Variants in RAB36 observed in about 807,000 individuals in gnomAD.
The protein encoded by RAB36 is ras-related protein Rab-36.
Under a neutral mutation model 39.3 loss-of-function variants are expected in RAB36, and 33 were observed. That is an observed-to-expected ratio of 0.84 (90% CI 0.64 to 1.12). The LOEUF (loss-of-function observed/expected upper bound fraction) is 1.12, where lower values mean the gene tolerates loss of function less well. Ranked by LOEUF, RAB36 falls within the 50% of genes most tolerant of loss-of-function variation. The probability of loss-of-function intolerance (pLI) is 0.00; values close to 1 mark genes in which losing one functional copy is unlikely to be tolerated. For missense variants in RAB36, 308 were observed against 355.3 expected (o/e 0.87, Z 1.07); for synonymous variants, 133 against 140.2 (o/e 0.95, Z 0.36).
chr22:23,156,777 C>CT (rs2071476893), intron 6 of RAB36, among the ~76,000 whole-genome samples: 3 of 152,226 alleles, frequency 2.0e-5, no homozygotes, highest in African/African-American at 7.2e-5. Context: ...CAGCTCTGCC[C>CT]TGGTCGCATG....
chr22:23,149,487 T>C (rs902136427), intron 2 of RAB36, among the ~76,000 whole-genome samples: 5 of 152,196 alleles, frequency 3.3e-5, no homozygotes, highest in Non-Finnish European at 5.9e-5. Flanking sequence ...TCCTAGGACA[T>C]TTTCCAGGCA....
At chr22:23,166,076 G>T (rs2072043658), downstream of RAB36, among the ~76,000 whole-genome samples, 1 of 148,998 alleles carries the variant, frequency 6.7e-6, no homozygotes, top group African/African-American at 2.5e-5. Flanking sequence ...AACCTGGGAG[G>T]TGGAAGTTGC....
At chr22:23,153,293 C>T (rs2071269257) in intron 5 of RAB36, among the ~76,000 whole-genome samples, 159 bp downstream of exon 5, 1 of 152,138 alleles carries the variant, frequency 6.6e-6, no homozygotes. Context: ...GCTCCCAGAG[C>T]CCCCACATGC....
rs1374109126 is a variant in RAB36, at chr22:23,155,965, C to G, written c.330-3C>G. On this transcript the variant is annotated splice_region_variant and splice_polypyrimidine_tract_variant and intron_variant, in intron 5 of 10. Transcript: ENST00000263116. ...TTCCCTTTCTTTCTCACCCACCTCACAGCTGGGACACAGCTGGGCAGGAGA... is the reference window on the plus strand; with the variant it reads ...TTCCCTTTCTTTCTCACCCACCTCAGAGCTGGGACACAGCTGGGCAGGAGA... The G allele has an allele frequency of 6.2e-7, 1 of 1,609,620 alleles. No homozygotes were observed. The highest frequency in any genetic ancestry group is 1.3e-5 in the African/African-American group (1 of 74,726).
intron 2 of RAB36, among the ~76,000 whole-genome samples, chr22:23,147,481 C>A (rs569064672): frequency 6.6e-6 from 1 of 152,110 alleles, no homozygotes; most frequent in Non-Finnish European, 1.5e-5. Context: ...CAGGCATGTG[C>A]TACCATGCCT....
chr22:23,153,239 A>G, intron 5 of RAB36, 105 bp downstream of exon 5: 1 of 847,534 alleles, frequency 1.2e-6, no homozygotes, highest in Admixed American at 2.0e-5. Context: ...GGACTAGTCT[A>G]GACAAGCAGA....
intron 4 of RAB36, 145 bp downstream of exon 4, chr22:23,152,671 A>G: frequency 2.5e-6 from 2 of 796,112 alleles, no homozygotes; most frequent in South Asian, 1.6e-5. Context: ...GGAGCCGGAT[A>G]AGAGGGGGTG....
At chr22:23,155,245 A>G (rs978220770) in intron 5 of RAB36, among the ~76,000 whole-genome samples, 4 of 152,216 alleles carry the variant, frequency 2.6e-5, no homozygotes, top group African/African-American at 7.2e-5. Flanking sequence ...TTGGGGAACA[A>G]TTTTCCGACT....
chr22:23,160,849 T>C (rs1256804006), intron 9 of RAB36, 30 bp from the exon 10 acceptor site: 1 of 1,603,744 alleles, frequency 6.2e-7, no homozygotes, highest in Non-Finnish European at 8.5e-7. Flanking sequence ...GAAACACTGA[T>C]GAGGTCCCGG....
intron 1 of RAB36, 34 bp downstream of exon 1, chr22:23,145,585 C>T (rs1381725754): frequency 2.5e-6 from 4 of 1,580,306 alleles, no homozygotes; most frequent in Non-Finnish European, 3.4e-6. Flanking sequence ...CCGACCCTCC[C>T]GGTCACCCAA....
chr22:23,153,766 A>G (rs2071302101), intron 5 of RAB36, among the ~76,000 whole-genome samples: 1 of 133,890 alleles, frequency 7.5e-6, no homozygotes, highest in Admixed American at 8.8e-5. Flanking sequence ...GCGCAATCTC[A>G]GCTCACTGCA....
chr22:23,149,361 T>G (rs1007452660), intron 2 of RAB36, among the ~76,000 whole-genome samples: 1 of 152,214 alleles, frequency 6.6e-6, no homozygotes, highest in Non-Finnish European at 1.5e-5. Flanking sequence ...TTTTTTCTAA[T>G]TACAGACCAG....
At position 23,164,504 on chromosome 22, in the gene RAB36, T is replaced by C. The variant is rs897646620; in HGVS notation, c.*2940T>C. 6.6e-6 allele frequency among the ~76,000 whole-genome samples: 1 copy of C among 152,146 alleles called. No homozygotes were observed. The highest frequency in any genetic ancestry group is 1.5e-5 in the Non-Finnish European group (1 of 68,022). The stretch of plus-strand genomic sequence containing the variant: ...CACCCCAAGTTGATGCAGCATCTTC[T>C]CGGTCAGAATTGCTTCAGGGTGGTT... On this transcript the variant is annotated 3_prime_UTR_variant, in exon 11 of 11. Coordinates refer to ENST00000263116, the MANE Select transcript of RAB36 (RefSeq NM_004914.5).
chr22:23,146,591 G>C lies in RAB36; in HGVS notation c.-12-14G>C. 1 of 1,612,838 alleles carries C rather than the reference G, an allele frequency of 6.2e-7. No individual in the cohort carries two copies. Among genetic ancestry groups the C allele is most frequent in the Non-Finnish European group, 8.5e-7 (1 of 1,179,312 alleles). Reference sequence around the variant, plus strand: ...ACAGCTCCTTAACTGTCTTTCTCCTGGTTGGGTCCACAGGACTGTGGAAGA... The same window carrying C: ...ACAGCTCCTTAACTGTCTTTCTCCTCGTTGGGTCCACAGGACTGTGGAAGA... On this transcript the variant is annotated splice_polypyrimidine_tract_variant and intron_variant, in intron 1 of 10. Coordinates refer to ENST00000263116, the MANE Select transcript of RAB36 (RefSeq NM_004914.5).
At chr22:23,160,634 A>G (rs1469478829) in intron 9 of RAB36, among the ~76,000 whole-genome samples, 1 of 152,162 alleles carries the variant, frequency 6.6e-6, no homozygotes, top group Admixed American at 6.5e-5. Flanking sequence ...CCAAGCAGGC[A>G]GTGGGGTGGG....
chr22:23,158,131 A>T (rs1202890567), intron 7 of RAB36, 88 bp downstream of exon 7: 1 of 1,570,226 alleles, frequency 6.4e-7, no homozygotes, highest in African/African-American at 1.4e-5. Flanking sequence ...GTGGACCCTG[A>T]CCCCGTGGTG....
intron 5 of RAB36, among the ~76,000 whole-genome samples, chr22:23,154,221 C>T (rs1011461276): frequency 6.6e-6 from 1 of 152,164 alleles, no homozygotes; most frequent in African/African-American, 2.4e-5. Flanking sequence ...CTTCCGTGCT[C>T]CCCTACATGG....
intron 10 of RAB36, 70 bp from the exon 11 acceptor site, chr22:23,161,430 C>G (rs538003232): frequency 6.0e-6 from 8 of 1,343,254 alleles, no homozygotes; most frequent in Non-Finnish European, 8.4e-6. Flanking sequence ...CTGTCAGGGC[C>G]GGCATCCCCT....
intron 3 of RAB36, 129 bp from the exon 4 acceptor site, chr22:23,152,332 G>A: frequency 3.4e-6 from 3 of 875,226 alleles, no homozygotes; most frequent in South Asian, 1.4e-5. Context: ...TCTCAGCAGG[G>A]TGGCCCATCC....
Sources: allele counts gnomAD v4.1 joint callset (sites outside exome capture counted in the v4.1 genomes callset), GRCh38; gene constraint gnomAD v4.1.1; transcripts MANE v1.5; gene names NCBI Gene and HGNC (gene_info 2026-07-23, HGNC 2026-07-21).